ZCWPW2: variants seen among roughly 807,000 people sequenced by gnomAD.
ZCWPW2 encodes the protein zinc finger CW-type and PWWP domain containing 2.
In ZCWPW2, 45 loss-of-function variants were observed where a neutral mutation model predicts 46.6. That is an observed-to-expected ratio of 0.96 (90% CI 0.76 to 1.24). ZCWPW2 has a LOEUF of 1.24. Among genes scored for constraint, ZCWPW2 ranks in the 50% most tolerant of loss-of-function variants. ZCWPW2 has a pLI of 0.00. For missense variants in ZCWPW2, 429 were observed against 403.9 expected (o/e 1.06, Z -0.53); for synonymous variants, 152 against 137.1 (o/e 1.11, Z -0.76).
intron 3 of ZCWPW2, among the ~76,000 whole-genome samples, chr3:28,430,657 A>G (rs1416856362): frequency 6.6e-6 from 1 of 152,100 alleles, no homozygotes; most frequent in Non-Finnish European, 1.5e-5. Flanking sequence ...TTGAATTGTA[A>G]TCTGAATTGT....
intron 4 of ZCWPW2, among the ~76,000 whole-genome samples, chr3:28,456,787 ATG>A: frequency 6.6e-6 from 1 of 152,288 alleles, no homozygotes; most frequent in African/African-American, 2.4e-5. Flanking sequence ...TGATTTGCAT[ATG>A]TTGAACCAAC....
chr3:28,349,301 C>A, intron 1 of ZCWPW2, 98 bp downstream of exon 1: 1 of 748,338 alleles, frequency 1.3e-6, no homozygotes. Flanking sequence ...TTTGGGGGGT[C>A]CCCGGGCCGT....
chr3:28,389,427 A>G (rs1695401943), intron 1 of ZCWPW2, among the ~76,000 whole-genome samples: 1 of 152,190 alleles, frequency 6.6e-6, no homozygotes, highest in Non-Finnish European at 1.5e-5. Context: ...AAGATACTAT[A>G]TGCATGGTTG....
chr3:28,478,098 A>G (rs1316139333), intron 4 of ZCWPW2, among the ~76,000 whole-genome samples: 1 of 152,184 alleles, frequency 6.6e-6, no homozygotes, highest in Non-Finnish European at 1.5e-5. Context: ...TTTATTTCAT[A>G]CTCATGAAAC....
chr3:28,379,235 G>A (rs1427309473), intron 1 of ZCWPW2, among the ~76,000 whole-genome samples: 1 of 152,158 alleles, frequency 6.6e-6, no homozygotes, highest in Non-Finnish European at 1.5e-5. Context: ...TATGTATTTG[G>A]ATGAGAAGTG....
At chr3:28,369,777 G>T (rs559842627) in intron 1 of ZCWPW2, among the ~76,000 whole-genome samples, 1 of 152,318 alleles carries the variant, frequency 6.6e-6, no homozygotes, top group East Asian at 1.9e-4. Context: ...GAGGCAGGCA[G>T]GCCTCCTTGA....
chr3:28,513,905 TGACTA>T (rs1700493796), intron 6 of ZCWPW2, among the ~76,000 whole-genome samples, 154 bp from the exon 7 acceptor site: 1 of 151,794 alleles, frequency 6.6e-6, no homozygotes, highest in South Asian at 2.1e-4. Flanking sequence ...GCAATTGCCG[TGACTA>T]TGCAGTGGTT....
intron 2 of ZCWPW2, among the ~76,000 whole-genome samples, chr3:28,407,027 A>C (rs1559492198): frequency 6.6e-6 from 1 of 151,934 alleles, no homozygotes; most frequent in African/African-American, 2.4e-5. Context: ...GCATCTCACT[A>C]TGTTGCCCAG....
intron 4 of ZCWPW2, among the ~76,000 whole-genome samples, chr3:28,452,096 G>T (rs1698244887): frequency 6.6e-6 from 1 of 152,148 alleles, no homozygotes; most frequent in South Asian, 2.1e-4. Flanking sequence ...AATCTTCCAA[G>T]AAAAACTTTG....
intron 4 of ZCWPW2, among the ~76,000 whole-genome samples, chr3:28,462,753 A>G (rs1698687511): frequency 6.6e-6 from 1 of 152,126 alleles, no homozygotes; most frequent in Admixed American, 6.6e-5. Flanking sequence ...CAGATTGCAA[A>G]TTTCTCTCCA....
intron 3 of ZCWPW2, among the ~76,000 whole-genome samples, chr3:28,413,748 G>A (rs188832847): frequency 6.6e-6 from 1 of 151,820 alleles, no homozygotes; most frequent in Non-Finnish European, 1.5e-5. Flanking sequence ...CCGTTTTTTA[G>A]AAGTGTGTCT....
At chr3:28,355,605 C>G (rs1217645777) in intron 1 of ZCWPW2, among the ~76,000 whole-genome samples, 1 of 152,214 alleles carries the variant, frequency 6.6e-6, no homozygotes, top group Non-Finnish European at 1.5e-5. Flanking sequence ...AACTATACTG[C>G]AAGGCTACAG....
intron 3 of ZCWPW2, among the ~76,000 whole-genome samples, chr3:28,433,927 T>C (rs1308911078): frequency 6.6e-6 from 1 of 151,314 alleles, no homozygotes; most frequent in African/African-American, 2.4e-5. Context: ...GTTTTTTTTT[T>C]TTTTGACCAC....
intron 3 of ZCWPW2, among the ~76,000 whole-genome samples, chr3:28,421,329 T>G (rs2125747854): frequency 6.6e-6 from 1 of 152,248 alleles, no homozygotes; most frequent in African/African-American, 2.4e-5. Context: ...GGTAAAAATC[T>G]TGGCTTCCTA....
At chr3:28,497,334 TA>T (rs896446779) in intron 6 of ZCWPW2, among the ~76,000 whole-genome samples, 72 of 152,068 alleles carry the variant, frequency 4.7e-4, no homozygotes, top group Non-Finnish European at 6.8e-4. Context: ...TCTATAGATT[TA>T]AATACTTTAG....
intron 1 of ZCWPW2, among the ~76,000 whole-genome samples, chr3:28,367,123 GT>G (rs1327101565): frequency 2.6e-5 from 4 of 152,068 alleles, no homozygotes; most frequent in East Asian, 1.9e-4. Flanking sequence ...TTTTTGAAGG[GT>G]TTTTTGTGTC....
intron 4 of ZCWPW2, among the ~76,000 whole-genome samples, chr3:28,472,829 CA>C (rs1202930455): frequency 1.3e-5 from 2 of 151,330 alleles, no homozygotes; most frequent in East Asian, 1.9e-4. Context: ...ACCCATTTGA[CA>C]AGGGACTAAT....
In ZCWPW2 at chr3:28,352,097, CCCCTCCTTT is replaced by C. The variant is rs1284588510; in HGVS notation, c.-134+2900_-134+2908del. 4.6e-5 allele frequency among the ~76,000 whole-genome samples: 7 copies of C among 150,876 alleles called. No individual in the cohort carries two copies. The East Asian group carries it at 7.8e-4, about 17-fold the overall frequency. On this transcript the variant is annotated intron_variant, in intron 1 of 9. Coordinates refer to ENST00000383768, the MANE Select transcript of ZCWPW2 (RefSeq NM_001040432.4). Reference sequence around the variant, plus strand: ...TTCCCCCGTCTCCTTTGTCTCCTTACCCCTCCTTTCCCTCTATCTCAGATGTATGCACAC... The same window carrying C: ...TTCCCCCGTCTCCTTTGTCTCCTTACCCCTCTATCTCAGATGTATGCACAC...
intron 4 of ZCWPW2, among the ~76,000 whole-genome samples, chr3:28,445,611 G>A (rs1372023131): frequency 6.6e-6 from 1 of 152,042 alleles, no homozygotes; most frequent in Non-Finnish European, 1.5e-5. Flanking sequence ...CACAAAAGAA[G>A]CCAGTAAGGC....
Sources: allele counts gnomAD v4.1 joint callset (sites outside exome capture counted in the v4.1 genomes callset), GRCh38; gene constraint gnomAD v4.1.1; transcripts MANE v1.5; gene names NCBI Gene and HGNC (gene_info 2026-07-23, HGNC 2026-07-21).